The following CHODL variants were observed in gnomAD, a reference collection of about 807,000 sequenced individuals.
CHODL encodes chondrolectin.
A neutral mutation model predicts 34.5 loss-of-function variants in CHODL; 29 were observed. The observed-to-expected ratio is 0.84, with a 90% CI of 0.63 to 1.15. The LOEUF (loss-of-function observed/expected upper bound fraction) is 1.15. CHODL is among the 50% of genes most tolerant of loss of function. CHODL has a pLI of 0.00. For synonymous variants in CHODL, 125 were observed against 116.1 expected, an observed-to-expected ratio of 1.08 and a Z score of -0.49; for missense variants, 332 against 332.5, an observed-to-expected ratio of 1.00 and a Z score of 0.01.
At chr21:18,028,987 G>A (rs1013453774) in intron 2 of CHODL, among the ~76,000 whole-genome samples, 1 of 152,080 alleles carries the variant, frequency 6.6e-6, no homozygotes, top group Non-Finnish European at 1.5e-5. Context: ...GTTTAGAATT[G>A]CACATGAAAA....
intron 2 of CHODL, among the ~76,000 whole-genome samples, chr21:18,108,050 G>A (rs1213535681): frequency 6.6e-6 from 1 of 152,136 alleles, no homozygotes; most frequent in East Asian, 1.9e-4. Context: ...GGCAATCTGT[G>A]AACTTCCTGA....
At chr21:18,158,575 T>C (rs1349363768) in intron 2 of CHODL, among the ~76,000 whole-genome samples, 2 of 152,160 alleles carry the variant, frequency 1.3e-5, no homozygotes, top group Non-Finnish European at 2.9e-5. Context: ...CGGTGGCTCA[T>C]GCCTGTAATC....
At chr21:18,002,679 C>G (rs113137895) in intron 1 of CHODL, among the ~76,000 whole-genome samples, 9 of 152,140 alleles carry the variant, frequency 5.9e-5, no homozygotes, top group Non-Finnish European at 1.2e-4. Flanking sequence ...CATCAAGCCC[C>G]ATAGCCTCAT....
intron 2 of CHODL, among the ~76,000 whole-genome samples, chr21:18,205,831 C>T (rs980386567): frequency 6.6e-6 from 1 of 151,450 alleles, no homozygotes; most frequent in South Asian, 2.1e-4. Context: ...CAGCCTCCCA[C>T]GTTCAAGTGA....
rs1397872659 is a variant in CHODL, at chr21:18,189,428, T to A, written c.-44-67081T>A. On this transcript the variant is annotated intron_variant, in intron 2 of 6. Transcript: ENST00000400127. ...GACAATTTCACTGGTGGCCTTTCAG[T>A]CCTATATCACAGCATGAAGACCATT... Among the ~76,000 whole-genome samples the A allele has an allele frequency of 2.6e-5, 4 of 152,132 alleles. No individual in the cohort carries two copies. The East Asian group carries it at 7.7e-4, about 29-fold the overall frequency.
rs143906926 is a variant in CHODL, at chr21:17,946,280, G to A, written c.-145+28880G>A. On this transcript the variant is annotated intron_variant, in intron 1 of 6. Transcript: ENST00000400127. ...AAAATACATAAAAAATTAGCCAGGT[G>A]TGGTGGCGGGTGCCTGTGGTCCCAG... 1.1e-3 allele frequency among the ~76,000 whole-genome samples: 164 copies of A among 152,264 alleles called. 1 individual carries two copies. The highest frequency in any genetic ancestry group is 3.9e-3 in the African/African-American group (163 of 41,552).
In CHODL at chr21:18,053,832, C is replaced by T. The variant is rs138010462; in HGVS notation, c.-45+25861C>T. 3.0e-3 allele frequency among the ~76,000 whole-genome samples: 460 copies of T among 151,718 alleles called. 4 individuals are homozygous for T. The highest frequency in any genetic ancestry group is 9.5e-3 in the African/African-American group (394 of 41,444). The stretch of plus-strand genomic sequence containing the variant: ...ACTGTACCAGGATAACTGTACTAAC[C>T]ACTACACATTTTCAGCACTGATTAT... On this transcript the variant is annotated intron_variant, in intron 2 of 6. Transcript: ENST00000400127.
At chr21:17,960,058 G>T (rs1232430777) in intron 1 of CHODL, among the ~76,000 whole-genome samples, 1 of 152,088 alleles carries the variant, frequency 6.6e-6, no homozygotes, top group Non-Finnish European at 1.5e-5. Flanking sequence ...GTCTTGTGTT[G>T]GATGACGTAG....
intron 2 of CHODL, among the ~76,000 whole-genome samples, chr21:18,211,484 C>A (rs576913681): frequency 6.6e-6 from 1 of 152,292 alleles, no homozygotes; most frequent in Admixed American, 6.5e-5. Context: ...GCATCAGAAT[C>A]TCAACAGGTC....
At position 17,982,908 on chromosome 21, in the gene CHODL, A is replaced by G. The variant is rs540490905; in HGVS notation, c.-144-44964A>G. Among the ~76,000 whole-genome samples the G allele has an allele frequency of 2.0e-4, 31 of 151,924 alleles. 1 individual carries two copies. In the South Asian group the frequency reaches 5.2e-3, roughly 26 times the overall value. On this transcript the variant is annotated intron_variant, in intron 1 of 6. Coordinates refer to the CHODL transcript ENST00000400127. Reference sequence around the variant, plus strand: ...CCCAGCTAATTTTTGTATTTTTAGTAGAGATGGGGTTTCACCATGTTGGCC... The same window carrying G: ...CCCAGCTAATTTTTGTATTTTTAGTGGAGATGGGGTTTCACCATGTTGGCC...
rs114676006 is a variant in CHODL, at chr21:17,945,893, C to T, written c.-145+28493C>T. On this transcript the variant is annotated intron_variant, in intron 1 of 6. Transcript: ENST00000400127. ...CACACACAAAGGAAGGCTGATACAA[C>T]TGTCAGTGGATTTCTTAGCAAACTC... Among the ~76,000 whole-genome samples the T allele has an allele frequency of 2.9e-3, 448 of 152,146 alleles. 2 individuals carry two copies. Among genetic ancestry groups the T allele is most frequent in the African/African-American group, 0.01 (426 of 41,496 alleles).
chr21:18,241,546 G>A (rs762024181), upstream of CHODL, among the ~76,000 whole-genome samples: 1 of 152,122 alleles, frequency 6.6e-6, no homozygotes, highest in Non-Finnish European at 1.5e-5. Flanking sequence ...AATGAATGAA[G>A]CCTGCTGTGA....
At chr21:18,169,444 T>A (rs965382970) in intron 2 of CHODL, among the ~76,000 whole-genome samples, 11 of 151,800 alleles carry the variant, frequency 7.2e-5, no homozygotes, top group Admixed American at 5.2e-4. Flanking sequence ...CTTTTTTTTT[T>A]ATCTTGATCT....
chr21:18,211,044 A>T (rs566785649), intron 2 of CHODL, among the ~76,000 whole-genome samples: 1 of 151,990 alleles, frequency 6.6e-6, no homozygotes, highest in Non-Finnish European at 1.5e-5. Flanking sequence ...CCTCTGCCTC[A>T]AAGACTCCCA....
intron 1 of CHODL, among the ~76,000 whole-genome samples, chr21:18,248,099 G>T (rs1318487117): frequency 6.6e-6 from 1 of 151,248 alleles, no homozygotes; most frequent in Non-Finnish European, 1.5e-5. Context: ...ATATTTCATG[G>T]TGCTTCCAGA....
chr21:18,156,177 G>T (rs551197924), intron 2 of CHODL, among the ~76,000 whole-genome samples: 5 of 152,120 alleles, frequency 3.3e-5, no homozygotes, highest in Non-Finnish European at 7.4e-5. Flanking sequence ...AATTTTGCAC[G>T]GGTAAAAAGA....
intron 1 of CHODL, among the ~76,000 whole-genome samples, chr21:17,944,684 C>T (rs532276634): frequency 1.3e-5 from 2 of 152,148 alleles, no homozygotes; most frequent in Non-Finnish European, 2.9e-5. Flanking sequence ...CCCAGTAGCT[C>T]CACTTGATAT....
chr21:18,052,850 A>T (rs1490014146), intron 2 of CHODL, among the ~76,000 whole-genome samples: 1 of 151,680 alleles, frequency 6.6e-6, no homozygotes, highest in Non-Finnish European at 1.5e-5. Flanking sequence ...CATGAGTTTC[A>T]GGCTAACTAT....
intron 5 of CHODL, among the ~76,000 whole-genome samples, chr21:18,265,179 G>GTA (rs1464024713): frequency 0.02 from 2,739 of 138,324 alleles, 94 homozygotes; most frequent in African/African-American, 0.073. Flanking sequence ...GTATATATAT[G>GTA]TATATATATA....
Sources: allele counts gnomAD v4.1 joint callset (sites outside exome capture counted in the v4.1 genomes callset), GRCh38; gene constraint gnomAD v4.1.1; transcripts MANE v1.5; gene names NCBI Gene and HGNC (gene_info 2026-07-23, HGNC 2026-07-21).